Variants in CYFIP1 observed in about 807,000 individuals in gnomAD.
CYFIP1 encodes the protein cytoplasmic FMR1 interacting protein 1, also known as cytoplasmic FMR1-interacting protein 1.
A neutral mutation model predicts 163.5 loss-of-function variants in CYFIP1; 58 were observed. That is an observed-to-expected ratio of 0.35 (90% confidence interval 0.29 to 0.44). CYFIP1 has a LOEUF of 0.44. CYFIP1 is among the 20% of genes least tolerant of loss of function. The probability of loss-of-function intolerance (pLI) is 1.00; values close to 1 mark genes in which losing one functional copy is unlikely to be tolerated. For synonymous variants in CYFIP1, 663 were observed against 660.7 expected (o/e 1.00, Z -0.05); for missense variants, 1,338 against 1,653.8 (o/e 0.81, Z 3.31).
chr15:22,955,138 G>A (rs1163115172), intron 1 of CYFIP1, among the ~76,000 whole-genome samples: 1 of 152,204 alleles, frequency 6.6e-6, no homozygotes, highest in African/African-American at 2.4e-5. Flanking sequence ...CATGCTGGGG[G>A]CTCCATGGGT....
intron 22 of CYFIP1, among the ~76,000 whole-genome samples, chr15:22,902,271 T>G (rs1386363509): frequency 6.6e-6 from 1 of 152,164 alleles, no homozygotes; most frequent in African/African-American, 2.4e-5. Flanking sequence ...TGGCACTGGG[T>G]GCACCGTGCT....
chr15:22,931,148 A>C (rs1387871006), intron 11 of CYFIP1, among the ~76,000 whole-genome samples: 1 of 152,180 alleles, frequency 6.6e-6, no homozygotes. Context: ...TGGGGCCAAC[A>C]TCCACAGAGT....
intron 22 of CYFIP1, among the ~76,000 whole-genome samples, chr15:22,897,776 G>C (rs1347060160): frequency 1.3e-5 from 2 of 152,204 alleles, no homozygotes; most frequent in African/African-American, 4.8e-5. Flanking sequence ...GAGCCACTGT[G>C]CCCAGCCTCA....
At chr15:22,925,551 T>C (rs2061331004) in intron 13 of CYFIP1, among the ~76,000 whole-genome samples, 3 of 152,086 alleles carry the variant, frequency 2.0e-5, no homozygotes, top group Non-Finnish European at 4.4e-5. Flanking sequence ...TATGCAAAGA[T>C]TTCTCAAACA....
intron 22 of CYFIP1, 32 bp downstream of exon 22, chr15:22,903,674 C>T: frequency 1.2e-6 from 2 of 1,611,838 alleles, no homozygotes; most frequent in Non-Finnish European, 1.7e-6. Flanking sequence ...GAGCGCCTCG[C>T]CTGTGGGCGC....
chr15:22,882,067 G>A lies in CYFIP1; in HGVS notation c.2821-131C>T, dbSNP rs946798573. 22 of 735,956 alleles carry A rather than the reference G, an allele frequency of 3.0e-5. No homozygotes were observed. The African/African-American group carries it at 3.3e-4, about 11-fold the overall frequency. The allele number at this position is 735,956 out of a possible 1,614,324, so 45.6% of individuals were successfully genotyped here. A position where few individuals can be genotyped will look rare whatever the true frequency, so the allele number is the denominator to read the frequency against. ...ACCAGCAAGGCTGCAGGATCGTCTG[G>A]CTGGGGAATAAAATCCACCCCGGGA... On this transcript the variant is annotated intron_variant, in intron 24 of 30. Coordinates refer to ENST00000617928, the MANE Select transcript of CYFIP1 (RefSeq NM_014608.6).
At position 22,914,732 on chromosome 15, in the gene CYFIP1, A is replaced by G; in HGVS notation, c.1979T>C (p.Met660Thr). 1 of 1,611,122 alleles carries G rather than the reference A, an allele frequency of 6.2e-7. No homozygotes were observed. Among genetic ancestry groups the G allele is most frequent in the Non-Finnish European group, 8.5e-7 (1 of 1,178,468 alleles). Residue 660 changes from methionine (M) to threonine (T), a missense_variant, in exon 17 of 31, where the codon ATG (methionine) becomes ACG (threonine). By Grantham distance (81) the Met-to-Thr change is moderately conservative (BLOSUM62 -1). This residue lies in a region of CYFIP1 where 824 missense variants were observed against 995.7 expected (regional missense o/e 0.83). Transcript: ENST00000617928. Reference protein sequence around the residue: ...DHILETKEASMMEYVLYSLDL... With the variant: ...DHILETKEASTMEYVLYSLDL... ...AGGCCCGCAGGACACGCACTCCATCATCGATGCCTCCTTGGTCTCCAGGAT... is the reference window on the plus strand; with the variant it reads ...AGGCCCGCAGGACACGCACTCCATCGTCGATGCCTCCTTGGTCTCCAGGAT...
intron 3 of CYFIP1, 28 bp from the exon 4 acceptor site, chr15:22,944,967 G>A (rs750523564): frequency 1.3e-6 from 2 of 1,597,248 alleles, no homozygotes; most frequent in Admixed American, 1.7e-5. Context: ...GCAAATCAAA[G>A]GCAGGCGGGG....
Position 22,903,946 on chromosome 15 carries a change from A to G in CYFIP1, c.2389-41T>C, listed in dbSNP as rs553948667. The stretch of plus-strand genomic sequence containing the variant: ...CAGGGGTGGGTGACAGAGCTGGTCC[A>G]GGCAGGAAGGAGGCGCCGAGTGGCC... On this transcript the variant is annotated intron_variant, in intron 21 of 30. Transcript: ENST00000617928. 26 of 1,594,960 alleles carry G rather than the reference A, an allele frequency of 1.6e-5. No individual in the cohort carries two copies. The East Asian group carries it at 5.6e-4, about 35-fold the overall frequency.
chr15:22,944,364 A>G (rs1347096968), intron 5 of CYFIP1, among the ~76,000 whole-genome samples, 194 bp downstream of exon 5: 2 of 152,176 alleles, frequency 1.3e-5, no homozygotes, highest in African/African-American at 4.8e-5. Context: ...AGTGAACCAC[A>G]AAAGGAGCGT....
chr15:22,973,425 G>A (rs11263674), intron 1 of CYFIP1, among the ~76,000 whole-genome samples: 18 of 151,610 alleles, frequency 1.2e-4, no homozygotes, highest in Non-Finnish European at 2.6e-4. Context: ...TCTGGCCCCA[G>A]GCAATCACCT....
At chr15:22,871,012 C>T (rs72698074) in intron 30 of CYFIP1, among the ~76,000 whole-genome samples, 8,097 of 152,262 alleles carry the variant, frequency 0.053, 394 homozygotes, top group East Asian at 0.27. Context: ...ATGCCAACAG[C>T]GGCGGTGGGG....
At chr15:22,895,450 C>G (rs1453559216) in intron 22 of CYFIP1, among the ~76,000 whole-genome samples, 2 of 152,152 alleles carry the variant, frequency 1.3e-5, no homozygotes, top group Non-Finnish European at 2.9e-5. Flanking sequence ...TACGCTCGGC[C>G]TCTATATTTC....
intron 23 of CYFIP1, among the ~76,000 whole-genome samples, chr15:22,888,780 G>A (rs2059991068): frequency 6.6e-6 from 1 of 151,350 alleles, no homozygotes. Flanking sequence ...AGTGGCTCAC[G>A]CCTTTATCCC....
chr15:22,917,478 AC>A lies in CYFIP1; in HGVS notation c.1674+309del. 3.8e-6 allele frequency: 2 copies of A among 524,278 alleles called. No individual in the cohort carries two copies. The highest frequency in any genetic ancestry group is 7.4e-5 in the East Asian group (2 of 27,050). The allele number at this position is 524,278 out of a possible 1,614,324, so 32.5% of individuals were successfully genotyped here. A position where few individuals can be genotyped will look rare whatever the true frequency, so the allele number is the denominator to read the frequency against. Reference sequence around the variant, plus strand: ...GTAAAAATTATACAGACATTCAAACACCCATCAAGAAACACAGAATGAATAC... The same window carrying A: ...GTAAAAATTATACAGACATTCAAACACCATCAAGAAACACAGAATGAATAC... On this transcript the variant is annotated intron_variant, in intron 15 of 30. Coordinates refer to ENST00000617928, the MANE Select transcript of CYFIP1 (RefSeq NM_014608.6). The surrounding 1 kb of genome is among the most constrained non-coding windows in gnomAD (Gnocchi z 4.2).
intron 1 of CYFIP1, among the ~76,000 whole-genome samples, chr15:22,961,440 G>A (rs1212866665): frequency 6.6e-6 from 1 of 152,168 alleles, no homozygotes; most frequent in African/African-American, 2.4e-5. Flanking sequence ...GTGCAGTGGT[G>A]TGATAACAGC....
intron 1 of CYFIP1, among the ~76,000 whole-genome samples, chr15:22,973,927 C>T (rs1045102196): frequency 2.6e-5 from 4 of 152,120 alleles, no homozygotes; most frequent in African/African-American, 9.7e-5. Context: ...TGAAAAAATG[C>T]TCAACATCGC....
chr15:22,918,661 A>G (rs1230441867), intron 14 of CYFIP1, 31 bp downstream of exon 14: 1 of 1,525,488 alleles, frequency 6.6e-7, no homozygotes. Context: ...ACGTGTGGGC[A>G]CAGCGGGCAC....
chr15:22,935,349 G>A lies in CYFIP1; in HGVS notation c.901-1456C>T, dbSNP rs2061679155. Among the ~76,000 whole-genome samples, 3 of 152,204 alleles carry A rather than the reference G, an allele frequency of 2.0e-5. 1 individual carries two copies. Among genetic ancestry groups the A allele is most frequent in the Admixed American group, 2.0e-4 (3 of 15,286 alleles). On this transcript the variant is annotated intron_variant, in intron 9 of 30. Transcript: ENST00000617928. ...AATGGGCTTTGCAATAAATGGGCAG[G>A]CCCAACTGGGAAGCCATACTGGGAA...
Sources: gnomAD v4.1 joint callset for allele counts (sites outside exome capture counted in the v4.1 genomes callset) on GRCh38, gnomAD v4.1.1 for gene constraint, gnomAD v4.1.1 regional missense constraint, Gnocchi (gnomAD v3.1) non-coding constraint, MANE v1.5 for transcripts, NCBI Gene and HGNC (gene_info 2026-07-23, HGNC 2026-07-21) for gene names.